INPP5B: variants seen among roughly 807,000 people sequenced by gnomAD.
INPP5B encodes type II inositol 1,4,5-trisphosphate 5-phosphatase.
Under a neutral mutation model 118.5 loss-of-function variants are expected in INPP5B, and 90 were observed. That is an observed-to-expected ratio of 0.76 (90% CI 0.64 to 0.90). The LOEUF is 0.90. Ranked by LOEUF, INPP5B falls within the 40% of genes least tolerant of loss-of-function variation. INPP5B has a pLI of 0.00. For synonymous variants in INPP5B, 385 were observed against 418.9 expected (o/e 0.92, Z 0.99); for missense variants, 984 against 1,125.6 (o/e 0.87, Z 1.80).
intron 16 of INPP5B, 148 bp from the exon 17 acceptor site, chr1:37,875,864 T>A: frequency 1.6e-6 from 1 of 613,440 alleles, no homozygotes; most frequent in Non-Finnish European, 2.9e-6. Context: ...ATGAACTCCA[T>A]TAACAATTGA....
At chr1:37,899,672 A>G (rs1358977074) in intron 7 of INPP5B, among the ~76,000 whole-genome samples, 2 of 152,118 alleles carry the variant, frequency 1.3e-5, no homozygotes, top group African/African-American at 4.8e-5. Context: ...CTAACAACTT[A>G]GTAGCAATTT....
intron 6 of INPP5B, among the ~76,000 whole-genome samples, chr1:37,939,886 G>A (rs557866866): frequency 2.0e-5 from 3 of 152,228 alleles, no homozygotes; most frequent in South Asian, 4.1e-4. Context: ...GGGATTACGA[G>A]CAAGCTACTA....
At chr1:37,927,246 G>A (rs548950784) in intron 7 of INPP5B, among the ~76,000 whole-genome samples, 33 of 152,184 alleles carry the variant, frequency 2.2e-4, no homozygotes, top group African/African-American at 7.9e-4. Flanking sequence ...AGTGAGCCAA[G>A]ATCGTGCCAC....
In INPP5B at chr1:37,929,711, C is replaced by T. The variant is rs1243242803; in HGVS notation, c.532+2202G>A. Reference sequence around the variant, plus strand: ...CTTAGCAATTAATAGTGTCACCCCACTTACTGTAGGTATTTTAAGAGAAAA... The same window carrying T: ...CTTAGCAATTAATAGTGTCACCCCATTTACTGTAGGTATTTTAAGAGAAAA... On this transcript the variant is annotated intron_variant, in intron 7 of 23. Transcript: ENST00000373024. 3.3e-5 allele frequency: 5 copies of T among 151,962 alleles called. No homozygotes were observed. In the East Asian group the frequency reaches 9.6e-4, roughly 29 times the overall value. 9.4% of individuals were successfully genotyped at this position (151,962 alleles called of 1,614,324 possible). A position where few individuals can be genotyped will look rare whatever the true frequency, so the allele number is the denominator to read the frequency against.
intron 11 of INPP5B, 149 bp from the exon 12 acceptor site, chr1:37,887,153 A>T: frequency 1.3e-6 from 1 of 761,710 alleles, no homozygotes; most frequent in Non-Finnish European, 2.2e-6. Flanking sequence ...TTCACCAAGC[A>T]TGCTATGTGC....
chr1:37,868,691 C>T, intron 19 of INPP5B, 77 bp from the exon 20 acceptor site: 1 of 908,792 alleles, frequency 1.1e-6, no homozygotes, highest in South Asian at 1.3e-5. Flanking sequence ...GGACAGCAAA[C>T]CCACAGAAAA....
intron 7 of INPP5B, chr1:37,931,316 C>A: frequency 1.2e-6 from 1 of 814,514 alleles, no homozygotes; most frequent in Non-Finnish European, 1.8e-6. Context: ...CCACCCGCCC[C>A]ACGCGACAAA....
intron 7 of INPP5B, among the ~76,000 whole-genome samples, chr1:37,901,504 T>C (rs1307344782): frequency 6.6e-6 from 1 of 152,196 alleles, no homozygotes; most frequent in Admixed American, 6.5e-5. Context: ...AGGTACTTCC[T>C]AGCAGACTGA....
intron 7 of INPP5B, chr1:37,930,132 G>C (rs1294113016): frequency 6.6e-6 from 1 of 152,132 alleles, no homozygotes. Flanking sequence ...ATCAATCATA[G>C]TGCACATCAC....
At chr1:37,943,267 A>G (rs1646000565) in intron 5 of INPP5B, among the ~76,000 whole-genome samples, 1 of 152,094 alleles carries the variant, frequency 6.6e-6, no homozygotes, top group African/African-American at 2.4e-5. Flanking sequence ...CTGGGATTAC[A>G]GGCGTGAGCC....
chr1:37,945,742 A>G lies in INPP5B; in HGVS notation c.152+14T>C. 6.2e-7 allele frequency: 1 copy of G among 1,605,056 alleles called. No individual in the cohort carries two copies. The highest frequency in any genetic ancestry group is 8.5e-7 in the Non-Finnish European group (1 of 1,172,362). On this transcript the variant is annotated intron_variant, in intron 3 of 23. Coordinates refer to ENST00000373024, the MANE Select transcript of INPP5B (RefSeq NM_005540.3). ...CCATGGCCCAGACAGGTGGGGACCA[A>G]GCCCCTCACTCACGCGTGTTCCTGG...
chr1:37,875,040 A>G (rs1427448186), intron 17 of INPP5B, among the ~76,000 whole-genome samples: 1 of 152,230 alleles, frequency 6.6e-6, no homozygotes, highest in Non-Finnish European at 1.5e-5. Flanking sequence ...AGAATACACA[A>G]TAGTTATTCT....
intron 18 of INPP5B, among the ~76,000 whole-genome samples, chr1:37,873,677 G>C (rs1303693686): frequency 6.6e-6 from 1 of 152,218 alleles, no homozygotes; most frequent in Non-Finnish European, 1.5e-5. Context: ...ATCAAGAGCA[G>C]ATAATTGGGA....
At position 37,946,293 on chromosome 1, in the gene INPP5B, C is replaced by T; in HGVS notation, c.16G>A (p.Ala6Thr). 2 of 1,612,144 alleles carry T rather than the reference C, an allele frequency of 1.2e-6. No individual in the cohort carries two copies. Among genetic ancestry groups the T allele is most frequent in the Non-Finnish European group, 1.7e-6 (2 of 1,179,224 alleles). Reference protein sequence around the residue: MDQSVAIQETLAEGEY... With the variant: MDQSVTIQETLAEGEY... ...CCCTCAGCCAGCGTCTCCTGGATTG[C>T]CACAGACTGGTCCATGCTGGCCCCT... Residue 6 changes from alanine (A) to threonine (T), a missense_variant, in exon 2 of 24, where the codon GCA (alanine) becomes ACA (threonine). Transcript: ENST00000373024.
At chr1:37,873,944 A>G in intron 18 of INPP5B, 49 bp downstream of exon 18, 2 of 1,399,674 alleles carry the variant, frequency 1.4e-6, no homozygotes, top group Non-Finnish European at 9.6e-7. Flanking sequence ...AATATAGAGT[A>G]AGGCATTCCC....
intron 8 of INPP5B, 110 bp downstream of exon 8, chr1:37,891,248 C>G (rs1334519585): frequency 1.6e-6 from 1 of 606,310 alleles, no homozygotes; most frequent in African/African-American, 1.9e-5. Flanking sequence ...AAAAAGGACA[C>G]TTCCTAGGCC....
rs1412866908 is a variant in INPP5B at position 37,907,875 on chromosome 1, C to T, written c.533-16421G>A. ...CCCCTGTGACCTGCATGTATACATC[C>T]AGATGGCCTGAAGCAACTGAAGATC... is the stretch of plus-strand genomic sequence containing the variant. On this transcript the variant is annotated intron_variant, in intron 7 of 23. Transcript: ENST00000373024. This position sits in a 1 kb window ranked among gnomAD's most constrained non-coding sequence, Gnocchi z 4.3. Among the ~76,000 whole-genome samples the T allele has an allele frequency of 6.6e-6, 1 of 152,136 alleles. No individual in the cohort carries two copies. Among genetic ancestry groups the T allele is most frequent in the East Asian group, 1.9e-4 (1 of 5,194 alleles).
chr1:37,867,660 A>C lies in INPP5B; in HGVS notation c.2301+841T>G, dbSNP rs557617487. Among the ~76,000 whole-genome samples, 10 of 152,340 alleles carry C rather than the reference A, an allele frequency of 6.6e-5. No individual in the cohort carries two copies. The South Asian group carries it at 2.1e-3, about 32-fold the overall frequency. On this transcript the variant is annotated intron_variant, in intron 20 of 23. Coordinates refer to ENST00000373024, the MANE Select transcript of INPP5B (RefSeq NM_005540.3). ...CATAAGAATGTATATTTTTTTAAAA[A>C]AAGGATGTTGCTCTGAAGTGGTAAA...
intron 7 of INPP5B, among the ~76,000 whole-genome samples, chr1:37,916,419 T>C (rs1644865529): frequency 6.6e-6 from 1 of 150,822 alleles, no homozygotes; most frequent in African/African-American, 2.4e-5. Context: ...TCATTTTTTT[T>C]TTTTTCTTTT....
Sources: gnomAD v4.1 joint callset for allele counts (sites outside exome capture counted in the v4.1 genomes callset) on GRCh38, gnomAD v4.1.1 for gene constraint, Gnocchi (gnomAD v3.1) non-coding constraint, MANE v1.5 for transcripts, NCBI Gene and HGNC (gene_info 2026-07-23, HGNC 2026-07-21) for gene names.